CTNNA3: variants seen among roughly 807,000 people sequenced by gnomAD.
CTNNA3 encodes the protein catenin alpha-3.
A neutral mutation model predicts 95.7 loss-of-function variants in CTNNA3; 76 were observed. That is an observed-to-expected ratio of 0.79 (90% CI 0.66 to 0.96). The LOEUF (loss-of-function observed/expected upper bound fraction) is 0.96. Among genes scored for constraint, CTNNA3 ranks in the 40% least tolerant of loss-of-function variants. The pLI is 0.00. For missense variants in CTNNA3, 1,191 were observed against 1,089.8 expected (o/e 1.09, Z -1.31); for synonymous variants, 431 against 374.4 (o/e 1.15, Z -1.74).
chr10:67,575,762 C>A (rs1842122420), intron 3 of CTNNA3, among the ~76,000 whole-genome samples: 8 of 152,120 alleles, frequency 5.3e-5, no homozygotes, highest in Admixed American at 4.6e-4. Flanking sequence ...CTGTCAACAC[C>A]CTTCTGTTAG....
chr10:67,463,808 T>C (rs1272076306), intron 5 of CTNNA3, among the ~76,000 whole-genome samples: 2 of 152,210 alleles, frequency 1.3e-5, no homozygotes, highest in African/African-American at 4.8e-5. Flanking sequence ...AGACAATACA[T>C]TTTTTATAAT....
rs1005661648 is a variant in CTNNA3, at chr10:66,865,366, T to G, written c.1048-89842A>C. Reference sequence around the variant, plus strand: ...TTTCTATCATCATGTTAAAAAGACATAAATATAAAGGTGCCAGCATTTTGT... The same window carrying G: ...TTTCTATCATCATGTTAAAAAGACAGAAATATAAAGGTGCCAGCATTTTGT... On this transcript the variant is annotated intron_variant, in intron 7 of 17. Coordinates refer to ENST00000433211, the MANE Select transcript of CTNNA3 (RefSeq NM_013266.4). 5.9e-5 allele frequency among the ~76,000 whole-genome samples: 9 copies of G among 152,096 alleles called. 1 individual carries two copies. Among genetic ancestry groups the G allele is most frequent in the Admixed American group, 1.3e-4 (2 of 15,264 alleles).
At chr10:67,743,789 G>A (rs1240124455) in intron 1 of CTNNA3, among the ~76,000 whole-genome samples, 1 of 151,150 alleles carries the variant, frequency 6.6e-6, no homozygotes, top group Non-Finnish European at 1.5e-5. Flanking sequence ...AAGCTGATAA[G>A]CAACTTCAGC....
At position 67,376,604 on chromosome 10, in the gene CTNNA3, TTAA is replaced by T. The variant is rs571963685; in HGVS notation, c.579+145235_579+145237del. Reference sequence around the variant, plus strand: ...CATTTAAAAAGTGGTGCTTTCTTCTTTAATTGACCCACTGTTCACACATTCAGC... The same window carrying T: ...CATTTAAAAAGTGGTGCTTTCTTCTTTTGACCCACTGTTCACACATTCAGC... On this transcript the variant is annotated intron_variant, in intron 5 of 17. Coordinates refer to ENST00000433211, the MANE Select transcript of CTNNA3 (RefSeq NM_013266.4). Among the ~76,000 whole-genome samples, 7 of 152,316 alleles carry T rather than the reference TTAA, an allele frequency of 4.6e-5. No homozygotes were observed. In the South Asian group the frequency reaches 1.5e-3, roughly 32 times the overall value.
At chr10:66,039,564 T>G (rs1364649969) in intron 15 of CTNNA3, among the ~76,000 whole-genome samples, 1 of 152,022 alleles carries the variant, frequency 6.6e-6, no homozygotes. Flanking sequence ...AGTCCAGAAA[T>G]AAGACTGCCC....
At chr10:67,439,114 C>T (rs1483176031) in intron 5 of CTNNA3, among the ~76,000 whole-genome samples, 3 of 151,968 alleles carry the variant, frequency 2.0e-5, no homozygotes, top group Admixed American at 2.0e-4. Context: ...CAGCCCTGCT[C>T]GCAGAAATGA....
intron 13 of CTNNA3, among the ~76,000 whole-genome samples, chr10:66,132,284 A>G (rs532142762): frequency 1.3e-5 from 2 of 152,356 alleles, no homozygotes; most frequent in Admixed American, 6.5e-5. Context: ...CATGCGTCCA[A>G]TGAGCATAGG....
chr10:66,588,022 A>G (rs1653691274), intron 10 of CTNNA3, among the ~76,000 whole-genome samples: 1 of 152,194 alleles, frequency 6.6e-6, no homozygotes, highest in South Asian at 2.1e-4. Flanking sequence ...AGCTTGAGTT[A>G]GCTGGTAGAC....
intron 13 of CTNNA3, among the ~76,000 whole-genome samples, chr10:66,132,611 T>C (rs1203107645): frequency 2.6e-5 from 4 of 152,154 alleles, no homozygotes; most frequent in African/African-American, 9.7e-5. Flanking sequence ...ATGTTTATTG[T>C]AGCAGTATTC....
chr10:67,195,955 G>C (rs778067151), intron 6 of CTNNA3, among the ~76,000 whole-genome samples: 1 of 151,294 alleles, frequency 6.6e-6, no homozygotes, highest in Non-Finnish European at 1.5e-5. Flanking sequence ...TATCAAATGA[G>C]ATGCAGCTAC....
At chr10:66,076,028 A>G (rs2080549241) in intron 14 of CTNNA3, among the ~76,000 whole-genome samples, 2 of 151,638 alleles carry the variant, frequency 1.3e-5, no homozygotes, top group South Asian at 2.1e-4. Flanking sequence ...TAATTAATTC[A>G]TATCACTCAT....
intron 7 of CTNNA3, among the ~76,000 whole-genome samples, chr10:67,056,596 A>T (rs1855446509): frequency 6.6e-6 from 1 of 152,206 alleles, no homozygotes; most frequent in South Asian, 2.1e-4. Context: ...TTTCTAAAAT[A>T]TCCACATTCC....
At chr10:66,895,815 C>T (rs926158244) in intron 7 of CTNNA3, among the ~76,000 whole-genome samples, 9 of 151,236 alleles carry the variant, frequency 6.0e-5, no homozygotes, top group African/African-American at 1.7e-4. Flanking sequence ...TGGTGGCTCA[C>T]GCCTATAATC....
intron 5 of CTNNA3, among the ~76,000 whole-genome samples, chr10:67,313,841 G>A (rs971934602): frequency 1.3e-5 from 2 of 152,106 alleles, no homozygotes; most frequent in Non-Finnish European, 2.9e-5. Flanking sequence ...AGGTCAAACA[G>A]CATATAAAAG....
At chr10:66,438,973 G>A (rs149825778) in intron 11 of CTNNA3, among the ~76,000 whole-genome samples, 211 of 152,184 alleles carry the variant, frequency 1.4e-3, no homozygotes, top group Non-Finnish European at 2.3e-3. Context: ...TACACTTCCC[G>A]GGTGAGGTGA....
At chr10:67,184,274 G>T (rs925482158) in intron 6 of CTNNA3, among the ~76,000 whole-genome samples, 3 of 152,088 alleles carry the variant, frequency 2.0e-5, no homozygotes, top group African/African-American at 7.2e-5. Context: ...ATTTTGCTTC[G>T]ACTCGATTAC....
chr10:67,409,298 C>A (rs563693743), intron 5 of CTNNA3, among the ~76,000 whole-genome samples: 1 of 152,028 alleles, frequency 6.6e-6, no homozygotes, highest in Non-Finnish European at 1.5e-5. Context: ...ATGTTTATTG[C>A]GGCACTATTC....
At chr10:66,107,521 G>C (rs1180357240) in intron 13 of CTNNA3, among the ~76,000 whole-genome samples, 1 of 152,102 alleles carries the variant, frequency 6.6e-6, no homozygotes, top group African/African-American at 2.4e-5. Flanking sequence ...AACAAATATA[G>C]AAGTTGAAGC....
At chr10:65,984,678 T>G (rs1384653638) in intron 16 of CTNNA3, among the ~76,000 whole-genome samples, 1 of 151,144 alleles carries the variant, frequency 6.6e-6, no homozygotes, top group Non-Finnish European at 1.5e-5. Flanking sequence ...AAGAAGATTA[T>G]CAATATAAGA....
Sources: allele counts gnomAD v4.1 joint callset (sites outside exome capture counted in the v4.1 genomes callset), GRCh38; gene constraint gnomAD v4.1.1; transcripts MANE v1.5; gene names NCBI Gene and HGNC (gene_info 2026-07-23, HGNC 2026-07-21).